Variants in DLG2 observed in about 807,000 individuals in gnomAD.
DLG2 encodes disks large homolog 2.
In DLG2, 45 loss-of-function variants were observed where a neutral mutation model predicts 132.5. The ratio of observed to expected loss-of-function variants is 0.34; its 90% CI spans 0.27 to 0.44. The LOEUF (loss-of-function observed/expected upper bound fraction) is 0.44, where lower values mean the gene tolerates loss of function less well. Ranked by LOEUF, DLG2 falls within the 20% of genes least tolerant of loss-of-function variation. The pLI, the probability that DLG2 is intolerant of heterozygous loss-of-function variation, is 1.00. For synonymous variants in DLG2, 424 were observed against 419.6 expected, an observed-to-expected ratio of 1.01 and a Z score of -0.13; for missense variants, 1,045 against 1,196.9, an observed-to-expected ratio of 0.87 and a Z score of 1.87.
At chr11:83,897,194 T>C (rs2071994531) in intron 15 of DLG2, among the ~76,000 whole-genome samples, 1 of 152,212 alleles carries the variant, frequency 6.6e-6, no homozygotes, top group Non-Finnish European at 1.5e-5. Context: ...ATGTGGTGGA[T>C]ACATCCAACA....
intron 7 of DLG2, among the ~76,000 whole-genome samples, chr11:84,444,349 C>T (rs2099026626): frequency 6.6e-6 from 1 of 152,014 alleles, no homozygotes. Flanking sequence ...CAAACCTGCA[C>T]ATCCTGCACA....
At chr11:85,618,614 T>C (rs2081496883) in intron 2 of DLG2, among the ~76,000 whole-genome samples, 1 of 152,132 alleles carries the variant, frequency 6.6e-6, no homozygotes, top group Non-Finnish European at 1.5e-5. Context: ...AAGGGACTAG[T>C]GGGGCAAGGG....
chr11:83,888,946 A>G (rs1354840966), intron 15 of DLG2, among the ~76,000 whole-genome samples: 1 of 152,232 alleles, frequency 6.6e-6, no homozygotes, highest in Non-Finnish European at 1.5e-5. Flanking sequence ...ACCTTACACA[A>G]AAGTTAATTC....
At chr11:84,298,826 C>T (rs182352886) in intron 7 of DLG2, among the ~76,000 whole-genome samples, 1 of 152,256 alleles carries the variant, frequency 6.6e-6, no homozygotes, top group African/African-American at 2.4e-5. Context: ...TGCATGGTGG[C>T]TTCAGGGAAT....
chr11:85,217,025 ATAG>A (rs1169866609), intron 4 of DLG2, among the ~76,000 whole-genome samples: 1 of 152,130 alleles, frequency 6.6e-6, no homozygotes, highest in Non-Finnish European at 1.5e-5. Flanking sequence ...TCACATTTGT[ATAG>A]TACTTCATAA....
intron 6 of DLG2, among the ~76,000 whole-genome samples, chr11:85,068,475 G>A (rs1170510375): frequency 4.6e-5 from 7 of 152,008 alleles, no homozygotes; most frequent in East Asian, 1.9e-4. Flanking sequence ...AAATCAATGT[G>A]CAAAAATCAC....
intron 19 of DLG2, among the ~76,000 whole-genome samples, chr11:83,590,802 A>G (rs1424621386): frequency 6.6e-6 from 1 of 152,132 alleles, no homozygotes; most frequent in Non-Finnish European, 1.5e-5. Flanking sequence ...AAAATGATAA[A>G]GGGGATATCA....
chr11:83,766,391 C>T (rs1442140867), intron 18 of DLG2, among the ~76,000 whole-genome samples: 22 of 147,692 alleles, frequency 1.5e-4, no homozygotes, highest in Admixed American at 1.5e-3. Flanking sequence ...CCATGCCTGG[C>T]CTGCCTTTTT....
chr11:83,476,052 A>G (rs1326472899), intron 22 of DLG2, among the ~76,000 whole-genome samples: 4 of 152,228 alleles, frequency 2.6e-5, no homozygotes, highest in Admixed American at 6.5e-5. Flanking sequence ...CCTTTATGCT[A>G]GAGAAAAGCA....
intron 6 of DLG2, among the ~76,000 whole-genome samples, chr11:84,817,307 G>A (rs1221513208): frequency 6.6e-6 from 1 of 151,900 alleles, no homozygotes; most frequent in Non-Finnish European, 1.5e-5. Flanking sequence ...CAAAGCAAAA[G>A]GGCCCTCCTG....
intron 9 of DLG2, among the ~76,000 whole-genome samples, chr11:84,100,753 G>T (rs1157929844): frequency 6.6e-6 from 1 of 152,046 alleles, no homozygotes; most frequent in Non-Finnish European, 1.5e-5. Flanking sequence ...AGTAATTAGG[G>T]TGCTTGATTA....
At chr11:83,574,581 C>T (rs555737043) in intron 19 of DLG2, among the ~76,000 whole-genome samples, 77 of 152,204 alleles carry the variant, frequency 5.1e-4, no homozygotes, top group African/African-American at 1.8e-3. Flanking sequence ...GTCATTCTGA[C>T]CTGAACAAGC....
Position 84,363,125 on chromosome 11 carries a change from A to G in DLG2, c.520-111834T>C, listed in dbSNP as rs535802646. ...GGTTGAACTAGTTTACAGTCCCACC[A>G]ACAGTGTAAAAGTGTTCCTATTTCT... On this transcript the variant is annotated intron_variant, in intron 7 of 27. Transcript: ENST00000376104. 2.8e-3 allele frequency among the ~76,000 whole-genome samples: 421 copies of G among 151,236 alleles called. 11 individuals are homozygous for G. In the East Asian group the frequency reaches 0.065, roughly 23 times the overall value.
chr11:84,187,985 C>T (rs1377746), intron 8 of DLG2, among the ~76,000 whole-genome samples: 129,639 of 152,082 alleles, frequency 0.85, 55,450 homozygotes, highest in Middle Eastern at 0.93. Context: ...TGCCCACAGC[C>T]TTCAGCTTTT....
intron 3 of DLG2, among the ~76,000 whole-genome samples, chr11:85,478,170 C>T (rs1459867748): frequency 6.6e-6 from 1 of 151,976 alleles, no homozygotes; most frequent in African/African-American, 2.4e-5. Flanking sequence ...CCATGCCCTA[C>T]TAACTTATTT....
At chr11:85,404,397 A>T (rs1026186349) in intron 3 of DLG2, among the ~76,000 whole-genome samples, 3 of 152,052 alleles carry the variant, frequency 2.0e-5, no homozygotes, top group African/African-American at 7.2e-5. Flanking sequence ...AATTTATTCC[A>T]AATTGTCCAA....
intron 6 of DLG2, among the ~76,000 whole-genome samples, chr11:84,605,585 C>A (rs1231264514): frequency 1.4e-5 from 2 of 142,850 alleles, no homozygotes; most frequent in Non-Finnish European, 3.0e-5. Flanking sequence ...GCTACGTAAT[C>A]CTCTGCAAAA....
chr11:83,791,317 T>A (rs1566975796), intron 17 of DLG2: 6 of 674,808 alleles, frequency 8.9e-6, no homozygotes, highest in Non-Finnish European at 5.2e-6. Flanking sequence ...TTTTGGCTTC[T>A]GTTTGGCAGA....
At chr11:84,002,092 T>C (rs1055116461) in intron 11 of DLG2, among the ~76,000 whole-genome samples, 1 of 152,118 alleles carries the variant, frequency 6.6e-6, no homozygotes, top group African/African-American at 2.4e-5. Flanking sequence ...CAAAATAGGT[T>C]TAAAGAACAA....
Sources: gnomAD v4.1 joint callset for allele counts (sites outside exome capture counted in the v4.1 genomes callset) on GRCh38, gnomAD v4.1.1 for gene constraint, MANE v1.5 for transcripts, NCBI Gene and HGNC (gene_info 2026-07-23, HGNC 2026-07-21) for gene names.